The following TAS2R1 variants were observed in gnomAD, a reference collection of about 807,000 sequenced individuals.
TAS2R1 encodes taste 2 receptor member 1, also known as taste receptor type 2 member 1.
For missense variants in TAS2R1, 370 were observed against 353.4 expected, an observed-to-expected ratio of 1.05 and a Z score of -0.38; for synonymous variants, 141 against 134.2, an observed-to-expected ratio of 1.05 and a Z score of -0.35.
chr5:9,724,754 G>A, the TAS2R1 span, among the ~76,000 whole-genome samples: 1 of 152,206 alleles, frequency 6.6e-6, no homozygotes, highest in Non-Finnish European at 1.5e-5. Flanking sequence ...TGTGGCTTCA[G>A]GGCATATTCA....
chr5:9,900,618 GTTTTTTT>G, the TAS2R1 span, among the ~76,000 whole-genome samples: 1 of 119,946 alleles, frequency 8.3e-6, no homozygotes, highest in East Asian at 2.6e-4. Context: ...TGCTCAAATG[GTTTTTTT>G]TTTTTTTTTT....
the TAS2R1 span, among the ~76,000 whole-genome samples, chr5:9,848,762 T>C: frequency 6.6e-6 from 1 of 152,182 alleles, no homozygotes; most frequent in Non-Finnish European, 1.5e-5. Context: ...GGAGATATTT[T>C]TAAAATTAAA....
the TAS2R1 span, among the ~76,000 whole-genome samples, chr5:9,740,964 G>A: frequency 1.3e-5 from 2 of 152,138 alleles, no homozygotes; most frequent in Admixed American, 6.5e-5. Context: ...ACTTGAAGAC[G>A]TTTATTAACT....
rs1288251635 is a variant in TAS2R1, at chr5:9,628,128, T to C, written c.*1005A>G. Among the ~76,000 whole-genome samples, 3 of 146,484 alleles carry C rather than the reference T, an allele frequency of 2.0e-5. No individual in the cohort carries two copies. Among genetic ancestry groups the C allele is most frequent in the Non-Finnish European group, 3.0e-5 (2 of 66,840 alleles). Reference sequence around the variant, plus strand: ...ATACAAGTATATCTATCTCCATAATTTATCTATCTATCTATCTATCTATCT... The same window carrying C: ...ATACAAGTATATCTATCTCCATAATCTATCTATCTATCTATCTATCTATCT... On this transcript the variant is annotated 3_prime_UTR_variant, in exon 1 of 1. Coordinates refer to ENST00000382492, the MANE Select transcript of TAS2R1 (RefSeq NM_019599.3).
chr5:9,629,101 C>G lies in TAS2R1; in HGVS notation c.*32G>C. ...GGCAGGCATGGGTAAATCATTGAATCATGGGTTCTTTGAACTGATCCAACT... is the reference window on the plus strand; with the variant it reads ...GGCAGGCATGGGTAAATCATTGAATGATGGGTTCTTTGAACTGATCCAACT... On this transcript the variant is annotated 3_prime_UTR_variant, in exon 1 of 1. Coordinates refer to ENST00000382492, the MANE Select transcript of TAS2R1 (RefSeq NM_019599.3). The G allele has an allele frequency of 6.6e-7, 1 of 1,510,166 alleles. No homozygotes were observed. The highest frequency in any genetic ancestry group is 1.4e-5 in the African/African-American group (1 of 71,738). 93.5% of individuals were successfully genotyped at this position (1,510,166 alleles called of 1,614,324 possible).
the TAS2R1 span, among the ~76,000 whole-genome samples, chr5:9,730,772 G>A: frequency 6.6e-6 from 1 of 152,122 alleles, no homozygotes; most frequent in African/African-American, 2.4e-5. Context: ...CGTGTTGTAG[G>A]AGGGACCCAG....
Position 9,667,594 on chromosome 5 carries a change from C to A in TAS2R1, c.-241-8013G>T, listed in dbSNP as rs115651472. ...GCCTGTCTGCCAGCTTTGGCCCCTG[C>A]CCGAGGGAGACACATGGAGCAGAAC... On this transcript the variant is annotated intron_variant, in intron 1 of 2. Coordinates refer to the TAS2R1 transcript ENST00000506620. 7.0e-3 allele frequency among the ~76,000 whole-genome samples: 1,058 copies of A among 152,224 alleles called. 17 individuals are homozygous for A. Among genetic ancestry groups the A allele is most frequent in the African/African-American group, 0.025 (1,021 of 41,520 alleles).
chr5:9,851,640 T>C, the TAS2R1 span, among the ~76,000 whole-genome samples: 4 of 151,878 alleles, frequency 2.6e-5, no homozygotes, highest in African/African-American at 9.7e-5. Flanking sequence ...CAGCACAGGA[T>C]GCGGGGAAGC....
chr5:9,827,005 C>T, the TAS2R1 span, among the ~76,000 whole-genome samples: 2 of 152,156 alleles, frequency 1.3e-5, no homozygotes, highest in East Asian at 1.9e-4. Context: ...CTCCAATTTC[C>T]ACCTCTGATA....
intron 2 of TAS2R1, among the ~76,000 whole-genome samples, chr5:9,650,583 G>A (rs1364671811): frequency 2.6e-5 from 4 of 152,120 alleles, no homozygotes; most frequent in South Asian, 2.1e-4. Flanking sequence ...TATGCTGTCC[G>A]TGAAGTCTGA....
chr5:9,662,545 A>G (rs984522226), intron 1 of TAS2R1, among the ~76,000 whole-genome samples: 2 of 152,154 alleles, frequency 1.3e-5, no homozygotes, highest in Non-Finnish European at 1.5e-5. Context: ...ACTCCAGCGG[A>G]GTTGGAGGTG....
chr5:9,716,791 C>G (rs1445647590), upstream of TAS2R1, among the ~76,000 whole-genome samples: 1 of 152,110 alleles, frequency 6.6e-6, no homozygotes, highest in Non-Finnish European at 1.5e-5. Flanking sequence ...AAATCCAGCT[C>G]TGGATTTACC....
chr5:9,706,751 G>A (rs41476), intron 1 of TAS2R1, among the ~76,000 whole-genome samples: 40,699 of 151,956 alleles, frequency 0.27, 5,618 homozygotes, highest in Admixed American at 0.34. Context: ...GCTACCCGAC[G>A]GAGAGCAGAG....
chr5:9,782,145 T>C, the TAS2R1 span, among the ~76,000 whole-genome samples: 10 of 152,216 alleles, frequency 6.6e-5, no homozygotes, highest in Non-Finnish European at 1.5e-4. Context: ...AGGGCTTGCC[T>C]CTCTTACTCA....
intron 1 of TAS2R1, among the ~76,000 whole-genome samples, chr5:9,662,448 G>A (rs1175339695): frequency 6.6e-6 from 1 of 152,172 alleles, no homozygotes; most frequent in Non-Finnish European, 1.5e-5. Context: ...TGTCAGAGAA[G>A]TGGCCTGCAG....
chr5:9,671,065 GA>G (rs1740743309), intron 1 of TAS2R1, among the ~76,000 whole-genome samples: 1 of 152,124 alleles, frequency 6.6e-6, no homozygotes, highest in Non-Finnish European at 1.5e-5. Context: ...AATAGATGTA[GA>G]AAAGGCTTTT....
chr5:9,887,481 A>G, the TAS2R1 span, among the ~76,000 whole-genome samples: 1 of 152,166 alleles, frequency 6.6e-6, no homozygotes, highest in Non-Finnish European at 1.5e-5. Flanking sequence ...TTCCCCTGCT[A>G]TCTTCACACC....
the TAS2R1 span, among the ~76,000 whole-genome samples, chr5:9,741,257 C>T: frequency 1.8e-3 from 269 of 152,238 alleles, no homozygotes; most frequent in African/African-American, 6.2e-3. Context: ...CCCAGAGATC[C>T]GCTATTTAAT....
At chr5:9,727,835 T>A in the TAS2R1 span, among the ~76,000 whole-genome samples, 1 of 152,116 alleles carries the variant, frequency 6.6e-6, no homozygotes, top group Non-Finnish European at 1.5e-5. Context: ...CCCAGTGAGG[T>A]GCAGGACTAG....
Sources: allele counts gnomAD v4.1 joint callset (sites outside exome capture counted in the v4.1 genomes callset), GRCh38; gene constraint gnomAD v4.1.1; transcripts MANE v1.5; gene names NCBI Gene and HGNC (gene_info 2026-07-23, HGNC 2026-07-21).